Variants in CNTLN observed in about 807,000 individuals in gnomAD.
CNTLN encodes centlein.
CNTLN carries 212 observed loss-of-function variants against 180.0 expected under a neutral mutation model. The ratio of observed to expected loss-of-function variants is 1.18; its 90% CI spans 1.05 to 1.32. CNTLN has a LOEUF of 1.32. Among genes scored for constraint, CNTLN ranks in the 40% most tolerant of loss-of-function variants. The pLI is 0.00. For synonymous variants in CNTLN, 722 were observed against 563.1 expected, an observed-to-expected ratio of 1.28 and a Z score of -3.99; for missense variants, 2,095 against 1,610.9, an observed-to-expected ratio of 1.30 and a Z score of -5.14.
At chr9:17,243,408 G>T (rs566050441) in intron 5 of CNTLN, among the ~76,000 whole-genome samples, 1 of 151,968 alleles carries the variant, frequency 6.6e-6, no homozygotes, top group Non-Finnish European at 1.5e-5. Flanking sequence ...TGCATTGTTA[G>T]GTTGTTTATT....
At chr9:17,252,702 TTGTC>T (rs1826221352) in intron 5 of CNTLN, among the ~76,000 whole-genome samples, 2 of 151,718 alleles carry the variant, frequency 1.3e-5, no homozygotes, top group African/African-American at 4.8e-5. Flanking sequence ...ACTTTGAAGA[TTGTC>T]TGTTTTTTGT....
chr9:17,224,513 A>G (rs1260618213), intron 2 of CNTLN, among the ~76,000 whole-genome samples: 1 of 152,052 alleles, frequency 6.6e-6, no homozygotes, highest in Non-Finnish European at 1.5e-5. Flanking sequence ...AGTTTCCCAA[A>G]GAAACTTGTC....
chr9:17,179,262 AAG>A (rs1554649137), intron 2 of CNTLN, among the ~76,000 whole-genome samples: 120 of 87,060 alleles, frequency 1.4e-3, no homozygotes, highest in Non-Finnish European at 1.9e-3. Flanking sequence ...AAAAAAAAAA[AAG>A]AAGAAGTGTA....
chr9:17,265,619 G>T (rs1255076228), intron 5 of CNTLN, among the ~76,000 whole-genome samples: 1 of 152,076 alleles, frequency 6.6e-6, no homozygotes, highest in Non-Finnish European at 1.5e-5. Context: ...AGTGGTACCA[G>T]CTCCTCTTTG....
intron 23 of CNTLN, among the ~76,000 whole-genome samples, chr9:17,483,567 T>C (rs1832752884): frequency 6.6e-6 from 1 of 152,178 alleles, no homozygotes; most frequent in Non-Finnish European, 1.5e-5. Context: ...ACTAACCTGC[T>C]CTCAGCTCAC....
chr9:17,400,288 C>A (rs540506594), intron 15 of CNTLN, among the ~76,000 whole-genome samples: 23 of 152,220 alleles, frequency 1.5e-4, no homozygotes, highest in Non-Finnish European at 2.9e-4. Context: ...CCGGCGCACA[C>A]CACAATGCCC....
the CNTLN span, among the ~76,000 whole-genome samples, chr9:17,509,657 A>G: frequency 1.3e-5 from 2 of 152,150 alleles, no homozygotes; most frequent in African/African-American, 4.8e-5. Context: ...TATACACTTG[A>G]AATCAGTGTC....
downstream of CNTLN, among the ~76,000 whole-genome samples, chr9:17,504,722 C>G (rs1160122910): frequency 6.6e-6 from 1 of 152,038 alleles, no homozygotes; most frequent in Non-Finnish European, 1.5e-5. Context: ...ACAGTACTGG[C>G]TTAAAATATG....
intron 18 of CNTLN, among the ~76,000 whole-genome samples, chr9:17,442,696 G>T: frequency 6.6e-6 from 1 of 152,132 alleles, no homozygotes. Context: ...ACCATGCCCA[G>T]CTAAACCAAA....
chr9:17,310,844 C>G (rs546208995), intron 8 of CNTLN, among the ~76,000 whole-genome samples: 1 of 151,888 alleles, frequency 6.6e-6, no homozygotes, highest in South Asian at 2.1e-4. Flanking sequence ...CTTTTGTGAA[C>G]TATCTGTTTA....
rs540733511 is a variant in CNTLN, at chr9:17,415,747, A to T, written c.2797-41A>T. Reference sequence around the variant, plus strand: ...TTATATCAGTTCACTTGATGTTGTTATTGAAGAATAATACCATTTTTATGA... The same window carrying T: ...TTATATCAGTTCACTTGATGTTGTTTTTGAAGAATAATACCATTTTTATGA... On this transcript the variant is annotated intron_variant, in intron 16 of 25. Transcript: ENST00000380647. The T allele has an allele frequency of 1.7e-5, 20 of 1,173,928 alleles. No homozygotes were observed. In the African/African-American group the frequency reaches 2.7e-4, roughly 16 times the overall value. 72.7% of individuals were successfully genotyped at this position (1,173,928 alleles called of 1,614,324 possible).
At chr9:17,429,933 T>A (rs1385363966) in intron 18 of CNTLN, among the ~76,000 whole-genome samples, 1 of 152,022 alleles carries the variant, frequency 6.6e-6, no homozygotes, top group East Asian at 1.9e-4. Flanking sequence ...CTTACTAGTT[T>A]CATTTGAATG....
intron 5 of CNTLN, among the ~76,000 whole-genome samples, chr9:17,259,937 C>G (rs1376816274): frequency 1.5e-5 from 2 of 136,720 alleles, no homozygotes; most frequent in African/African-American, 6.2e-5. Context: ...CTCCTGGATT[C>G]ATTAATTTTT....
chr9:17,477,279 T>C (rs1832404298), intron 23 of CNTLN, among the ~76,000 whole-genome samples: 1 of 152,258 alleles, frequency 6.6e-6, no homozygotes, highest in African/African-American at 2.4e-5. Context: ...AGATTAATGC[T>C]GTTTTCATGC....
chr9:17,376,373 T>G (rs1824758714), intron 13 of CNTLN, among the ~76,000 whole-genome samples: 1 of 152,082 alleles, frequency 6.6e-6, no homozygotes, highest in Non-Finnish European at 1.5e-5. Flanking sequence ...AAAAAACTAG[T>G]TCACAACATG....
At chr9:17,302,337 A>G (rs921421940) in intron 7 of CNTLN, among the ~76,000 whole-genome samples, 9 of 151,972 alleles carry the variant, frequency 5.9e-5, no homozygotes, top group African/African-American at 2.2e-4. Context: ...AGCTGGGACT[A>G]CAGGCACGTG....
intron 8 of CNTLN, among the ~76,000 whole-genome samples, chr9:17,319,652 A>G (rs1022366363): frequency 6.6e-6 from 1 of 152,196 alleles, no homozygotes; most frequent in Non-Finnish European, 1.5e-5. Flanking sequence ...TTCAACATTT[A>G]TAAAATGGGT....
chr9:17,402,687 A>T (rs963918935), intron 15 of CNTLN, among the ~76,000 whole-genome samples: 51 of 151,718 alleles, frequency 3.4e-4, no homozygotes, highest in Non-Finnish European at 6.8e-4. Flanking sequence ...TCTCCAGAAA[A>T]TTGCCTTCAG....
intron 18 of CNTLN, among the ~76,000 whole-genome samples, chr9:17,437,014 A>C (rs1829817155): frequency 6.6e-6 from 1 of 152,306 alleles, no homozygotes; most frequent in East Asian, 1.9e-4. Context: ...AGGCTGATGA[A>C]ACACAGTGCG....
Sources: allele counts gnomAD v4.1 joint callset (sites outside exome capture counted in the v4.1 genomes callset), GRCh38; gene constraint gnomAD v4.1.1; transcripts MANE v1.5; gene names NCBI Gene and HGNC (gene_info 2026-07-23, HGNC 2026-07-21).